The following CFAP46 variants were observed in gnomAD, a reference collection of about 807,000 sequenced individuals.
CFAP46 encodes the protein cilia- and flagella-associated protein 46.
CFAP46 carries 245 observed loss-of-function variants against 325.7 expected under a neutral mutation model. That is an observed-to-expected ratio of 0.75 (90% CI 0.68 to 0.84). The LOEUF is 0.84. Among genes scored for constraint, CFAP46 ranks in the 40% least tolerant of loss-of-function variants. The pLI is 0.00. For missense variants in CFAP46, 3,346 were observed against 3,543.0 expected (o/e 0.94, Z 1.41); for synonymous variants, 1,523 against 1,495.9 (o/e 1.02, Z -0.42).
chr10:132,929,138 GT>G (rs1405243395), intron 9 of CFAP46: 5 of 254,024 alleles, frequency 2.0e-5, no homozygotes, highest in Non-Finnish European at 2.3e-5. Context: ...CGATTATACT[GT>G]GATTTTTCTA....
Position 132,922,525 on chromosome 10 carries a change from C to G in CFAP46, c.1440G>C (p.Gln480His). Residue 480 changes from glutamine (Q) to histidine (H), a missense_variant, in exon 12 of 58, where the codon CAG becomes CAC. Coordinates refer to ENST00000368586, the MANE Select transcript of CFAP46 (RefSeq NM_001200049.3). Reference protein sequence around the residue: ...TRLRLCTTLYQAPERAEDKAI... With the variant: ...TRLRLCTTLYHAPERAEDKAI... ...CCTTGTCCTCTGCGCGCTCAGGGGC[C>G]TGGTATAGCGTGGTGCACAGACGCA... is the stretch of plus-strand genomic sequence containing the variant. 1.3e-6 allele frequency: 2 copies of G among 1,546,660 alleles called. No homozygotes were observed. The highest frequency in any genetic ancestry group is 2.4e-5 in the East Asian group (1 of 40,876).
At chr10:132,837,874 CACAG>C (rs1461177773) in intron 44 of CFAP46, among the ~76,000 whole-genome samples, 4 of 148,708 alleles carry the variant, frequency 2.7e-5, no homozygotes, top group Non-Finnish European at 4.5e-5. Flanking sequence ...GATGCACACA[CACAG>C]ACATGCACGG....
chr10:132,932,342 T>TGGGCC (rs1849924111), intron 8 of CFAP46, among the ~76,000 whole-genome samples: 1 of 78,876 alleles, frequency 1.3e-5, no homozygotes, highest in Non-Finnish European at 2.5e-5. Flanking sequence ...CCTCCCCACA[T>TGGGCC]TCCCCACATA....
chr10:132,888,976 G>A (rs891585872), intron 25 of CFAP46, among the ~76,000 whole-genome samples: 7 of 152,142 alleles, frequency 4.6e-5, no homozygotes, highest in South Asian at 2.1e-4. Flanking sequence ...GAAGGCTCCC[G>A]CCTCCACCCA....
At position 132,847,162 on chromosome 10, in the gene CFAP46, CGAG is replaced by C. The variant is rs768847705; in HGVS notation, c.6087+22_6087+24del. On this transcript the variant is annotated intron_variant, in intron 42 of 57. Coordinates refer to ENST00000368586, the MANE Select transcript of CFAP46 (RefSeq NM_001200049.3). This position sits in a 1 kb window ranked among gnomAD's most constrained non-coding sequence, Gnocchi z 5.2. ...GGCCAGGCTCCGGGCAGAGGCCACACGAGGGGCAGGAGGGGCAGCCGCACCTTC... is the reference window on the plus strand; with the variant it reads ...GGCCAGGCTCCGGGCAGAGGCCACACGGGCAGGAGGGGCAGCCGCACCTTC... 3.1e-5 allele frequency: 50 copies of C among 1,608,794 alleles called. No individual in the cohort carries two copies. The Admixed American group carries it at 8.4e-4, about 27-fold the overall frequency.
rs1443352369 is a variant in CFAP46 at position 132,886,678 on chromosome 10, T to G, written c.3305-719A>C. On this transcript the variant is annotated intron_variant, in intron 25 of 57. Transcript: ENST00000368586. The surrounding 1 kb of genome is among the most constrained non-coding windows in gnomAD (Gnocchi z 5.8). The stretch of plus-strand genomic sequence containing the variant: ...GGCCGCATCCCTCACACATCCCCAG[T>G]GAGCACAGAACCCAGCCCACTCTGC... Among the ~76,000 whole-genome samples, 7 of 152,076 alleles carry G rather than the reference T, an allele frequency of 4.6e-5. No homozygotes were observed.
rs1041998506 is a variant in CFAP46, at chr10:132,919,597, G to A, written c.1731-155C>T. On this transcript the variant is annotated intron_variant, in intron 14 of 57. Coordinates refer to ENST00000368586, the MANE Select transcript of CFAP46 (RefSeq NM_001200049.3). The surrounding 1 kb of genome is among the most constrained non-coding windows in gnomAD (Gnocchi z 9.7). ...CGGCACTCGCGCTGGGTACGGCCTG[G>A]CGGGTGCATGTCCCAGGGTCGGGCG... Among the ~76,000 whole-genome samples the A allele has an allele frequency of 8.5e-5, 13 of 152,304 alleles. No individual in the cohort carries two copies. Among genetic ancestry groups the A allele is most frequent in the African/African-American group, 2.4e-4 (10 of 41,582 alleles).
intron 9 of CFAP46, among the ~76,000 whole-genome samples, chr10:132,928,945 T>C (rs1849850039): frequency 6.6e-6 from 1 of 152,242 alleles, no homozygotes; most frequent in Non-Finnish European, 1.5e-5. Flanking sequence ...AGTCATTTCA[T>C]GTAAATATAC....
intron 20 of CFAP46, 44 bp from the exon 21 acceptor site, chr10:132,909,288 G>C (rs1425707697): frequency 7.2e-7 from 1 of 1,382,500 alleles, no homozygotes; most frequent in Non-Finnish European, 1.0e-6. Context: ...AAGCGTGCGG[G>C]GGGAGTCTGG....
chr10:132,941,335 C>T (rs1472099373), intron 3 of CFAP46, among the ~76,000 whole-genome samples: 2 of 152,358 alleles, frequency 1.3e-5, no homozygotes, highest in South Asian at 4.1e-4. Flanking sequence ...TGTGCCCACT[C>T]GGGGCAGCTG....
intron 54 of CFAP46, 93 bp downstream of exon 54, chr10:132,814,059 G>C: frequency 1.1e-6 from 1 of 923,612 alleles, no homozygotes. Flanking sequence ...TGGCAGGGCA[G>C]ACCCAGGGAG....
rs540599750 is a variant in CFAP46, at chr10:132,934,575, A to T, written c.866+177T>A. On this transcript the variant is annotated intron_variant, in intron 8 of 57. Coordinates refer to ENST00000368586, the MANE Select transcript of CFAP46 (RefSeq NM_001200049.3). ...TAGGGTATGAAAGTATTCGCAAGAC[A>T]GTACAAATCTCAGGCCACAAAAGAC... Among the ~76,000 whole-genome samples, 3 of 152,384 alleles carry T rather than the reference A, an allele frequency of 2.0e-5. No homozygotes were observed. The South Asian group carries it at 6.2e-4, about 32-fold the overall frequency.
intron 5 of CFAP46, among the ~76,000 whole-genome samples, 161 bp downstream of exon 5, chr10:132,938,428 G>A (rs932111728): frequency 2.0e-5 from 3 of 152,102 alleles, no homozygotes; most frequent in South Asian, 2.1e-4. Flanking sequence ...AACGACCTTC[G>A]GACAAGACAC....
rs887856519 is a variant in CFAP46, at chr10:132,908,543, C to T, written c.2849G>A (p.Arg950His). ...TRLTHFAHAA[R>H]DHETTMACAH... ...ACAGGCCATGGTGGTCTCATGGTCACGCGCTGCATGGGCGAAGTGGGTCAG... is the reference window on the plus strand; with the variant it reads ...ACAGGCCATGGTGGTCTCATGGTCATGCGCTGCATGGGCGAAGTGGGTCAG... Residue 950 changes from arginine (R) to histidine (H), a missense_variant, in exon 22 of 58, where the codon CGT (arginine) becomes CAT (histidine). Arg to His is a conservative substitution (Grantham distance 29). Coordinates refer to ENST00000368586, the MANE Select transcript of CFAP46 (RefSeq NM_001200049.3). 46 of 1,550,448 alleles carry T rather than the reference C, an allele frequency of 3.0e-5. No individual in the cohort carries two copies. Among genetic ancestry groups the T allele is most frequent in the South Asian group, 7.1e-5 (6 of 84,062 alleles).
chr10:132,836,304 C>T lies in CFAP46; in HGVS notation c.6537-86G>A, dbSNP rs983329475. 70 of 1,255,878 alleles carry T rather than the reference C, an allele frequency of 5.6e-5. No homozygotes were observed. The Middle Eastern group carries it at 7.5e-4, about 13-fold the overall frequency. 77.8% of individuals were successfully genotyped at this position (1,255,878 alleles called of 1,614,324 possible). ...CCAGCTCCAGCGACCTCAGAGGAGC[C>T]CAGTGAGGCCAACTCTGCAGACCAT... On this transcript the variant is annotated intron_variant, in intron 45 of 57. Transcript: ENST00000368586.
chr10:132,823,326 CGGTGTGCTGATGTGTGCTG>C (rs1847932866), intron 50 of CFAP46, among the ~76,000 whole-genome samples: 2 of 70,724 alleles, frequency 2.8e-5, no homozygotes, highest in Admixed American at 1.7e-4. Context: ...CTGATGTGTG[CGGTGTGCTGATGTGTGCTG>C]TGTGTGCTGA....
intron 34 of CFAP46, among the ~76,000 whole-genome samples, chr10:132,866,567 G>A (rs528745803): frequency 1.8e-4 from 28 of 152,306 alleles, no homozygotes; most frequent in African/African-American, 6.3e-4. Context: ...ACCCGGCCTT[G>A]CTAGGGCGCC....
intron 57 of CFAP46, among the ~76,000 whole-genome samples, chr10:132,810,126 C>G (rs1310561484): frequency 2.0e-5 from 3 of 152,220 alleles, no homozygotes; most frequent in Non-Finnish European, 4.4e-5. Context: ...AACGAGGAAC[C>G]GTGATGCTTT....
chr10:132,866,072 A>G lies in CFAP46; in HGVS notation c.4843T>C (p.Tyr1615His). Reference protein sequence around the residue: ...KAEVLLEMNLYQPARLLLSEA... With the variant: ...KAEVLLEMNLHQPARLLLSEA... Reference sequence around the variant, plus strand: ...GACAGGAGCAGCCGTGCAGGCTGGTACAGGTTCATCTCCAGCAGAACTTCT... The same window carrying G: ...GACAGGAGCAGCCGTGCAGGCTGGTGCAGGTTCATCTCCAGCAGAACTTCT... Residue 1615 changes from tyrosine (Y) to histidine (H), a missense_variant, in exon 35 of 58, where the codon TAC (tyrosine) becomes CAC (histidine). Transcript: ENST00000368586. 6.5e-7 allele frequency: 1 copy of G among 1,546,500 alleles called. No individual in the cohort carries two copies. Among genetic ancestry groups the G allele is most frequent in the Non-Finnish European group, 8.7e-7 (1 of 1,144,986 alleles).
Sources: allele counts gnomAD v4.1 joint callset (sites outside exome capture counted in the v4.1 genomes callset), GRCh38; gene constraint gnomAD v4.1.1; non-coding constraint Gnocchi (gnomAD v3.1); transcripts MANE v1.5; gene names NCBI Gene and HGNC (gene_info 2026-07-23, HGNC 2026-07-21).